ATG4B: variants seen among roughly 807,000 people sequenced by gnomAD.
The protein encoded by ATG4B is cysteine protease ATG4B.
A neutral mutation model predicts 56.6 loss-of-function variants in ATG4B; 29 were observed. The ratio of observed to expected loss-of-function variants is 0.51; its 90% CI spans 0.38 to 0.70. The LOEUF (loss-of-function observed/expected upper bound fraction) is 0.70. ATG4B is among the 30% of genes least tolerant of loss of function. The probability of loss-of-function intolerance (pLI) is 0.00; values close to 1 mark genes in which losing one functional copy is unlikely to be tolerated. For missense variants in ATG4B, 461 were observed against 515.5 expected (o/e 0.89, Z 1.02); for synonymous variants, 224 against 206.1 (o/e 1.09, Z -0.74).
At chr2:241,657,737 T>A (rs966652386) in intron 6 of ATG4B, among the ~76,000 whole-genome samples, 1 of 152,212 alleles carries the variant, frequency 6.6e-6, no homozygotes, top group Non-Finnish European at 1.5e-5. Context: ...CCCATCTTCT[T>A]CTTTCTTGTT....
rs1010118003 is a variant in ATG4B, at chr2:241,672,978, G to T, written c.*714G>T. ...TGTCCTGGAGCTGCTGCTGGAGCCTGCCCTCAGAGTGTCCCTTTCCAGTGC... is the reference window on the plus strand; with the variant it reads ...TGTCCTGGAGCTGCTGCTGGAGCCTTCCCTCAGAGTGTCCCTTTCCAGTGC... On this transcript the variant is annotated 3_prime_UTR_variant, in exon 13 of 13. Transcript: ENST00000404914. The T allele has an allele frequency of 3.0e-5, 5 of 164,970 alleles. No homozygotes were observed. The highest frequency in any genetic ancestry group is 6.7e-5 in the Non-Finnish European group (5 of 74,968). 10.2% of individuals were successfully genotyped at this position (164,970 alleles called of 1,614,324 possible).
chr2:241,672,067 T>G, intron 12 of ATG4B, 124 bp from the exon 13 acceptor site: 7 of 1,459,138 alleles, frequency 4.8e-6, no homozygotes, highest in East Asian at 5.3e-5. Context: ...CACACCCGCA[T>G]GGGGACAGCT....
Position 241,651,846 on chromosome 2 carries a change from A to T in ATG4B, c.184+511A>T, listed in dbSNP as rs2068238231. Reference sequence around the variant, plus strand: ...ATTTGAAGGGCCAGGTGAATGTGACATGTTTTTATGTAACACTAAGGTGCA... The same window carrying T: ...ATTTGAAGGGCCAGGTGAATGTGACTTGTTTTTATGTAACACTAAGGTGCA... On this transcript the variant is annotated intron_variant, in intron 3 of 12. Transcript: ENST00000404914. This position sits in a 1 kb window ranked among gnomAD's most constrained non-coding sequence, Gnocchi z 4.1. 1 of 1,256,688 alleles carries T rather than the reference A, an allele frequency of 8.0e-7. No homozygotes were observed. Among genetic ancestry groups the T allele is most frequent in the Non-Finnish European group, 1.1e-6 (1 of 945,838 alleles). The allele number at this position is 1,256,688 out of a possible 1,614,324, so 77.8% of individuals were successfully genotyped here. A position where few individuals can be genotyped will look rare whatever the true frequency, so the allele number is the denominator to read the frequency against.
chr2:241,648,032 T>TG (rs1472827298), intron 1 of ATG4B, among the ~76,000 whole-genome samples: 1 of 152,102 alleles, frequency 6.6e-6, no homozygotes, highest in African/African-American at 2.4e-5. Context: ...GAGAATTTCT[T>TG]GAACCCGGAA....
In ATG4B at chr2:241,666,747, A is replaced by T. The variant is rs780121558; in HGVS notation, c.641A>T (p.Asn214Ile). 1.4e-5 allele frequency: 23 copies of T among 1,608,154 alleles called. 1 individual carries two copies. The Admixed American group carries it at 1.7e-4, about 12-fold the overall frequency. Reference sequence around the variant, plus strand: ...TTCCCTGCCGGAGCTGAGGTCACCAACAGGCCGTCGCCATGGAGACCCCTG... The same window carrying T: ...TTCCCTGCCGGAGCTGAGGTCACCATCAGGCCGTCGCCATGGAGACCCCTG... The part of the protein sequence containing the change: ...NGFPAGAEVT[N>I]RPSPWRPLVL... The change falls in exon 8 of 13, where the codon AAC becomes ATC. Residue 214 changes from asparagine to isoleucine, a missense_variant. By Grantham distance (149) the Asn-to-Ile change is moderately radical (BLOSUM62 -3). Transcript: ENST00000404914.
chr2:241,645,598 A>G (rs1252494043), intron 1 of ATG4B, among the ~76,000 whole-genome samples: 1 of 152,210 alleles, frequency 6.6e-6, no homozygotes, highest in Non-Finnish European at 1.5e-5. Flanking sequence ...ACACCAAGTC[A>G]CAAGAAGGTC....
intron 1 of ATG4B, among the ~76,000 whole-genome samples, chr2:241,639,994 C>A (rs1242211692): frequency 6.6e-6 from 1 of 152,168 alleles, no homozygotes; most frequent in African/African-American, 2.4e-5. Context: ...TGACCCACCC[C>A]TCTCTGCCTA....
At chr2:241,654,376 A>G (rs187775449) in intron 4 of ATG4B, among the ~76,000 whole-genome samples, 170 bp from the exon 5 acceptor site, 279 of 148,552 alleles carry the variant, frequency 1.9e-3, no homozygotes, top group Middle Eastern at 7.0e-3. Context: ...AGCCGAGATC[A>G]CGCCATTGCA....
At chr2:241,667,595 C>G (rs1003088190) in intron 8 of ATG4B, among the ~76,000 whole-genome samples, 10 of 148,712 alleles carry the variant, frequency 6.7e-5, no homozygotes, top group African/African-American at 2.5e-4. Context: ...CAGAGTGAGA[C>G]TCCATCTCAA....
rs2068832511 is a variant in ATG4B at position 241,668,005 on chromosome 2, TTGGTACCA to T, written c.733-135_733-128del. The T allele has an allele frequency of 2.7e-6, 2 of 739,986 alleles. No homozygotes were observed. The highest frequency in any genetic ancestry group is 4.4e-6 in the Non-Finnish European group (2 of 458,896). 45.8% of individuals were successfully genotyped at this position (739,986 alleles called of 1,614,324 possible). A position where few individuals can be genotyped will look rare whatever the true frequency, so the allele number is the denominator to read the frequency against. On this transcript the variant is annotated intron_variant, in intron 8 of 12. Transcript: ENST00000404914. The surrounding 1 kb of genome is among the most constrained non-coding windows in gnomAD (Gnocchi z 4.2). ...TGGTCTTTCCTGGACAGTAAGCTCT[TTGGTACCA>T]TGTCCCCTCCTGTCCCCTCTTGTGT... is the stretch of plus-strand genomic sequence containing the variant.
chr2:241,660,175 C>T (rs375920033), intron 7 of ATG4B, among the ~76,000 whole-genome samples: 13 of 152,232 alleles, frequency 8.5e-5, no homozygotes, highest in African/African-American at 3.1e-4. Flanking sequence ...GGCCACAGAG[C>T]GAGAATCCGT....
In ATG4B at chr2:241,652,989, C is replaced by T. The variant is rs189679514; in HGVS notation, c.185-523C>T. Among the ~76,000 whole-genome samples, 38 of 152,336 alleles carry T rather than the reference C, an allele frequency of 2.5e-4. No homozygotes were observed. In the East Asian group the frequency reaches 2.9e-3, roughly 12 times the overall value. ...TGCTATGGGCTGGCAGTGTTTCCCA[C>T]GTGCCTGTCACATGCCGCGCAGTTC... is the stretch of plus-strand genomic sequence containing the variant. On this transcript the variant is annotated intron_variant, in intron 3 of 12. Transcript: ENST00000404914.
At position 241,661,211 on chromosome 2, in the gene ATG4B, G is replaced by A. The variant is rs867554693; in HGVS notation, c.538+2024G>A. Among the ~76,000 whole-genome samples the A allele has an allele frequency of 6.6e-5, 10 of 152,334 alleles. No homozygotes were observed. The South Asian group carries it at 1.0e-3, about 16-fold the overall frequency. On this transcript the variant is annotated intron_variant, in intron 7 of 12. Coordinates refer to ENST00000404914, the MANE Select transcript of ATG4B (RefSeq NM_013325.5). ...GGTCTGACTGGCTTCGTCTCACTGC[G>A]TCAGCTGCCTGAAAGGACACTGTTC...
At chr2:241,656,091 G>T (rs556515434) in intron 6 of ATG4B, among the ~76,000 whole-genome samples, 14 of 151,920 alleles carry the variant, frequency 9.2e-5, no homozygotes, top group Middle Eastern at 3.4e-3. Context: ...CTTCAGCCAC[G>T]GCCCCCTTGA....
In ATG4B at chr2:241,663,957, A is replaced by C. The variant is rs370222573; in HGVS notation, c.539-2688A>C. ...CCTGAGTAGCTGAGACTACAGGTGC[A>C]TGCCACCACGCCTGGCTAATTTTTT... On this transcript the variant is annotated intron_variant, in intron 7 of 12. Coordinates refer to ENST00000404914, the MANE Select transcript of ATG4B (RefSeq NM_013325.5). 2.6e-5 allele frequency among the ~76,000 whole-genome samples: 4 copies of C among 152,018 alleles called. No homozygotes were observed. In the East Asian group the frequency reaches 7.8e-4, roughly 29 times the overall value.
chr2:241,661,165 G>A (rs934585978), intron 7 of ATG4B, among the ~76,000 whole-genome samples: 2 of 152,176 alleles, frequency 1.3e-5, no homozygotes, highest in African/African-American at 4.8e-5. Flanking sequence ...GGTGGCTCCC[G>A]GGAGGATGTG....
chr2:241,655,126 C>A, intron 5 of ATG4B, 145 bp from the exon 6 acceptor site: 1 of 735,092 alleles, frequency 1.4e-6, no homozygotes, highest in Non-Finnish European at 2.3e-6. Context: ...ATGCCTCCCC[C>A]GATCTTGTTG....
rs1390735442 is a variant in ATG4B, at chr2:241,654,418, TTAAA to T, written c.284-127_284-124del. On this transcript the variant is annotated intron_variant, in intron 4 of 12. Coordinates refer to ENST00000404914, the MANE Select transcript of ATG4B (RefSeq NM_013325.5). ...CCTGGGTGAGAGAGCGAGACTCTGT[TTAAA>T]AAAAAAAAAAAAAAAAAAAAGATTC... 28 of 619,924 alleles carry T rather than the reference TTAAA, an allele frequency of 4.5e-5. No individual in the cohort carries two copies. In the Admixed American group the frequency reaches 8.9e-4, roughly 20 times the overall value. The allele number at this position is 619,924 out of a possible 1,614,324, so 38.4% of individuals were successfully genotyped here. A position where few individuals can be genotyped will look rare whatever the true frequency, so the allele number is the denominator to read the frequency against.
At chr2:241,661,545 C>A (rs1481140983) in intron 7 of ATG4B, among the ~76,000 whole-genome samples, 1 of 152,212 alleles carries the variant, frequency 6.6e-6, no homozygotes, top group Non-Finnish European at 1.5e-5. Flanking sequence ...GTGTCCTTGG[C>A]TAAGCAAGGA....
Sources: gnomAD v4.1 joint callset for allele counts (sites outside exome capture counted in the v4.1 genomes callset) on GRCh38, gnomAD v4.1.1 for gene constraint, Gnocchi (gnomAD v3.1) non-coding constraint, MANE v1.5 for transcripts, NCBI Gene and HGNC (gene_info 2026-07-23, HGNC 2026-07-21) for gene names.